Variants in CD99 observed in about 807,000 individuals in gnomAD.
The protein encoded by CD99 is CD99 antigen.
CD99 carries 19 observed loss-of-function variants against 28.4 expected under a neutral mutation model. That is an observed-to-expected ratio of 0.67 (90% CI 0.47 to 0.98). The LOEUF is 0.98. Among genes scored for constraint, CD99 ranks in the 50% least tolerant of loss-of-function variants. CD99 has a pLI of 0.00. For synonymous variants in CD99, 103 were observed against 92.1 expected, an observed-to-expected ratio of 1.12 and a Z score of -0.67; for missense variants, 283 against 248.8, an observed-to-expected ratio of 1.14 and a Z score of -0.92.
At chrX:2,725,755 A>T (rs2049246779) in intron 7 of CD99, among the ~76,000 whole-genome samples, 2 of 152,118 alleles carry the variant, frequency 1.3e-5, no homozygotes, top group Non-Finnish European at 2.9e-5. Flanking sequence ...CTGGGATTAA[A>T]GGCACCCACC....
At chrX:2,733,552 C>A (rs1168976401) in intron 8 of CD99, 2 of 631,844 alleles carry the variant, frequency 3.2e-6, no homozygotes, top group East Asian at 2.7e-5. Flanking sequence ...GTTCCATATG[C>A]TTTTGCCTTT....
intron 8 of CD99, among the ~76,000 whole-genome samples, chrX:2,728,099 G>A (rs2049386808): frequency 6.6e-6 from 1 of 151,534 alleles, no homozygotes; most frequent in Admixed American, 6.6e-5. Context: ...AGCTGCTCGT[G>A]TTTATTTCCC....
At chrX:2,717,270 C>T in intron 2 of CD99, 1 of 236,162 alleles carries the variant, frequency 4.2e-6, no homozygotes, top group Admixed American at 5.1e-5. Flanking sequence ...ATCGCTTGAA[C>T]CCAGGAGGCA....
In CD99 at chrX:2,691,422, C is replaced by T. The variant is rs761776307; in HGVS notation, c.62C>T (p.Ala21Val). 1.0e-5 allele frequency: 16 copies of T among 1,583,502 alleles called. No homozygotes were observed. In the South Asian group the frequency reaches 1.0e-4, roughly 10 times the overall value. The change falls in exon 1 of 10, where the codon GCC (alanine) becomes GTC (valine). Residue 21 changes from alanine to valine, a missense_variant. Transcript: ENST00000381192. ...GGCCTGCTGGGTGTTCTGGTCGCCG[C>T]CCCGGGTGAGCGAGCGGAGGGATCC... ...LFGLLGVLVAAPDGGFDLSDA... is the reference protein window; with the variant it reads ...LFGLLGVLVAVPDGGFDLSDA...
intron 1 of CD99, among the ~76,000 whole-genome samples, chrX:2,694,415 AGCGC>A (rs1158274827): frequency 6.6e-6 from 1 of 151,972 alleles, no homozygotes; most frequent in Admixed American, 6.6e-5. Flanking sequence ...ATTTTCCATC[AGCGC>A]GTTTGGCTCT....
At position 2,736,585 on chromosome X, in the gene CD99, T is replaced by C. The variant is rs968411692; in HGVS notation, c.476-1615T>C. The stretch of plus-strand genomic sequence containing the variant: ...AAATTTGGGAATAGAGGGCCGGGCG[T>C]GGTGGCTCAGGCCTGTAATCCCAGT... On this transcript the variant is annotated intron_variant, in intron 8 of 9. Transcript: ENST00000381192. Among the ~76,000 whole-genome samples the C allele has an allele frequency of 1.3e-4, 20 of 151,832 alleles. No homozygotes were observed. In the South Asian group the frequency reaches 2.9e-3, roughly 22 times the overall value.
At chrX:2,738,046 A>G (rs747269974) in intron 8 of CD99, 154 bp from the exon 9 acceptor site, 1 of 768,106 alleles carries the variant, frequency 1.3e-6, no homozygotes, top group South Asian at 1.4e-5. Flanking sequence ...GTTAGACTCC[A>G]TGTTCCCAGT....
intron 7 of CD99, among the ~76,000 whole-genome samples, chrX:2,725,867 C>T (rs1405711366): frequency 3.9e-5 from 6 of 152,194 alleles, no homozygotes; most frequent in African/African-American, 1.4e-4. Context: ...CCTGCCTCGG[C>T]CTCCCAAAGT....
Position 2,698,422 on chromosome X carries a change from G to A in CD99, c.67+6995G>A, listed in dbSNP as rs142135588. On this transcript the variant is annotated intron_variant, in intron 1 of 9. Transcript: ENST00000381192. ...GGGCTCAAGCAAACCTCTCGCCTCAGCTTCCCAAAGTGCTGGGGTTACAGG... is the reference window on the plus strand; with the variant it reads ...GGGCTCAAGCAAACCTCTCGCCTCAACTTCCCAAAGTGCTGGGGTTACAGG... 9.9e-3 allele frequency among the ~76,000 whole-genome samples: 1,503 copies of A among 151,944 alleles called. 27 individuals carry two copies. Among genetic ancestry groups the A allele is most frequent in the African/African-American group, 0.035 (1,436 of 41,446 alleles).
intron 1 of CD99, chrX:2,691,984 C>T (rs310135): frequency 0.11 from 86,320 of 752,262 alleles, 8,503 homozygotes; most frequent in East Asian, 0.38. Flanking sequence ...GATGCGGGCT[C>T]CGGGAATTTC....
At chrX:2,696,121 A>AT (rs747382083) in intron 1 of CD99, among the ~76,000 whole-genome samples, 1 of 152,200 alleles carries the variant, frequency 6.6e-6, no homozygotes, top group East Asian at 1.9e-4. Flanking sequence ...AGAACAGTCC[A>AT]TTTTTAGAGA....
intron 1 of CD99, among the ~76,000 whole-genome samples, chrX:2,701,344 T>G (rs2047853546): frequency 6.6e-6 from 1 of 152,156 alleles, no homozygotes; most frequent in African/African-American, 2.4e-5. Context: ...TGAAGTTAAA[T>G]GTACTATTGG....
chrX:2,723,067 A>T (rs922840251), intron 6 of CD99, among the ~76,000 whole-genome samples: 1 of 152,190 alleles, frequency 6.6e-6, no homozygotes, highest in Non-Finnish European at 1.5e-5. Context: ...AAGCCCTGAG[A>T]ATAGTGATAA....
At chrX:2,727,470 C>T (rs1411565661) in intron 8 of CD99, 3 of 700,370 alleles carry the variant, frequency 4.3e-6, no homozygotes, top group African/African-American at 3.5e-5. Context: ...CGACCGGGAA[C>T]AGCTACTCTT....
At chrX:2,692,257 T>G (rs2047350630) in intron 1 of CD99, 2 of 119,548 alleles carry the variant, frequency 1.7e-5, no homozygotes, top group Non-Finnish European at 3.4e-5. Flanking sequence ...TTATAAATTC[T>G]TTTTTCAATG....
At chrX:2,716,413 T>G (rs2048721771) in intron 2 of CD99, among the ~76,000 whole-genome samples, 1 of 152,140 alleles carries the variant, frequency 6.6e-6, no homozygotes, top group South Asian at 2.1e-4. Context: ...CTTGGCTCAC[T>G]GCAGCCTTGA....
At chrX:2,712,999 C>G (rs1336091810) in intron 1 of CD99, among the ~76,000 whole-genome samples, 1 of 151,394 alleles carries the variant, frequency 6.6e-6, no homozygotes, top group East Asian at 1.9e-4. Flanking sequence ...CACAAATGCA[C>G]ACACCCACAC....
At chrX:2,708,995 C>T (rs1158152963) in intron 1 of CD99, among the ~76,000 whole-genome samples, 2 of 152,078 alleles carry the variant, frequency 1.3e-5, no homozygotes, top group African/African-American at 4.8e-5. Flanking sequence ...CCTCTGAGGG[C>T]AGGTGGAGCA....
At chrX:2,707,599 C>T (rs1163757098) in intron 1 of CD99, among the ~76,000 whole-genome samples, 5 of 152,186 alleles carry the variant, frequency 3.3e-5, no homozygotes, top group Admixed American at 6.5e-5. Context: ...TCGTCCGTTC[C>T]GCCTTGCCCT....
Sources: allele counts gnomAD v4.1 joint callset (sites outside exome capture counted in the v4.1 genomes callset), GRCh38; gene constraint gnomAD v4.1.1; transcripts MANE v1.5; gene names NCBI Gene and HGNC (gene_info 2026-07-23, HGNC 2026-07-21).